The following LRMDA variants were observed in gnomAD, a reference collection of about 807,000 sequenced individuals.
The protein encoded by LRMDA is leucine rich melanocyte differentiation associated.
In LRMDA, 18 loss-of-function variants were observed where a neutral mutation model predicts 29.8. The observed-to-expected ratio is 0.60, with a 90% CI of 0.42 to 0.90. The LOEUF (loss-of-function observed/expected upper bound fraction) is 0.90, where lower values mean the gene tolerates loss of function less well. Ranked by LOEUF, LRMDA falls within the 40% of genes least tolerant of loss-of-function variation. LRMDA has a pLI of 0.00. For synonymous variants in LRMDA, 125 were observed against 109.4 expected (o/e 1.14, Z -0.89); for missense variants, 273 against 273.9 (o/e 1.00, Z 0.02).
chr10:75,613,850 C>T (rs975971965), intron 2 of LRMDA, among the ~76,000 whole-genome samples: 1 of 152,082 alleles, frequency 6.6e-6, no homozygotes, highest in African/African-American at 2.4e-5. Context: ...AAATGGTTAC[C>T]CTTTGGTGCT....
chr10:76,535,886 T>G (rs1843285789), intron 6 of LRMDA: 1 of 147,792 alleles, frequency 6.8e-6, no homozygotes, highest in Non-Finnish European at 1.5e-5. Context: ...CAAGCGATTC[T>G]CCTGTCTCAG....
chr10:76,538,512 G>T (rs1172199178), intron 6 of LRMDA, among the ~76,000 whole-genome samples: 1 of 144,708 alleles, frequency 6.9e-6, no homozygotes, highest in African/African-American at 2.5e-5. Flanking sequence ...ATATATATAT[G>T]TATATACATA....
At chr10:76,094,995 T>G (rs1016677231) in intron 5 of LRMDA, among the ~76,000 whole-genome samples, 2 of 152,170 alleles carry the variant, frequency 1.3e-5, no homozygotes, top group African/African-American at 4.8e-5. Context: ...TTACTTATAG[T>G]AAAATTTACC....
chr10:76,372,790 A>G (rs887382625), intron 6 of LRMDA, among the ~76,000 whole-genome samples: 1 of 152,112 alleles, frequency 6.6e-6, no homozygotes, highest in African/African-American at 2.4e-5. Flanking sequence ...GGGGTGATAC[A>G]GTACCTCATC....
intron 6 of LRMDA, among the ~76,000 whole-genome samples, chr10:76,427,342 G>C (rs1564538357): frequency 6.6e-6 from 1 of 151,852 alleles, no homozygotes; most frequent in Admixed American, 6.6e-5. Flanking sequence ...TGGATTCCTA[G>C]GTATTTTATT....
chr10:75,959,025 C>T (rs1846714999), intron 2 of LRMDA, among the ~76,000 whole-genome samples: 1 of 152,192 alleles, frequency 6.6e-6, no homozygotes, highest in African/African-American at 2.4e-5. Context: ...TCTCCCACAA[C>T]ACATGGTAAT....
intron 6 of LRMDA, among the ~76,000 whole-genome samples, chr10:76,474,638 T>A (rs1027092330): frequency 1.3e-5 from 2 of 151,692 alleles, no homozygotes; most frequent in African/African-American, 4.8e-5. Flanking sequence ...TCAACATCAT[T>A]AGCCATTAGG....
At chr10:76,295,874 T>C (rs73289075) in intron 5 of LRMDA, among the ~76,000 whole-genome samples, 4,609 of 152,294 alleles carry the variant, frequency 0.03, 212 homozygotes, top group African/African-American at 0.1. Context: ...TTTGCTAATC[T>C]TCACTCATGC....
At chr10:75,434,190 A>G (rs910514519) in intron 1 of LRMDA, among the ~76,000 whole-genome samples, 1 of 152,230 alleles carries the variant, frequency 6.6e-6, no homozygotes, top group Non-Finnish European at 1.5e-5. Flanking sequence ...CTTGCGCCCA[A>G]GAGATATTGG....
At chr10:76,053,646 G>A (rs1267485039) in intron 4 of LRMDA, among the ~76,000 whole-genome samples, 1 of 152,118 alleles carries the variant, frequency 6.6e-6, no homozygotes, top group Non-Finnish European at 1.5e-5. Flanking sequence ...CTTATCACTT[G>A]GCAATAATGT....
chr10:76,168,364 G>A (rs1375150471), intron 5 of LRMDA, among the ~76,000 whole-genome samples: 1 of 152,196 alleles, frequency 6.6e-6, no homozygotes, highest in Non-Finnish European at 1.5e-5. Flanking sequence ...GGGAAGCCAT[G>A]CTCTGTGTTG....
At position 75,460,666 on chromosome 10, in the gene LRMDA, T is replaced by C. The variant is rs560575199; in HGVS notation, c.131+22172T>C. Among the ~76,000 whole-genome samples, 5 of 152,346 alleles carry C rather than the reference T, an allele frequency of 3.3e-5. No homozygotes were observed. The East Asian group carries it at 9.6e-4, about 29-fold the overall frequency. On this transcript the variant is annotated intron_variant, in intron 2 of 6. Transcript: ENST00000611255. Reference sequence around the variant, plus strand: ...CAAAGGAAATAATCCATAATGTTTATGCTGAACAATTTTTACAAAATTGGG... The same window carrying C: ...CAAAGGAAATAATCCATAATGTTTACGCTGAACAATTTTTACAAAATTGGG...
intron 2 of LRMDA, among the ~76,000 whole-genome samples, chr10:75,805,096 G>A (rs1342764765): frequency 6.6e-6 from 1 of 152,182 alleles, no homozygotes; most frequent in Non-Finnish European, 1.5e-5. Flanking sequence ...CGCAGTCAAG[G>A]ACCTTGCCTT....
chr10:76,093,492 T>C (rs1372107456), intron 5 of LRMDA, among the ~76,000 whole-genome samples: 1 of 152,166 alleles, frequency 6.6e-6, no homozygotes, highest in Non-Finnish European at 1.5e-5. Context: ...AGATGAAGTT[T>C]CATTGATCCT....
chr10:76,358,640 G>A (rs1020286697), intron 6 of LRMDA, among the ~76,000 whole-genome samples: 1 of 152,152 alleles, frequency 6.6e-6, no homozygotes, highest in African/African-American at 2.4e-5. Context: ...TCTATCAGAG[G>A]AGCTGAACAA....
intron 2 of LRMDA, among the ~76,000 whole-genome samples, chr10:75,696,925 A>G (rs778233494): frequency 1.3e-5 from 2 of 152,042 alleles, no homozygotes; most frequent in African/African-American, 2.4e-5. Context: ...TTGTCCAGGT[A>G]CTCTATGTCC....
chr10:76,468,550 A>C (rs576383098), intron 6 of LRMDA, among the ~76,000 whole-genome samples: 1 of 152,340 alleles, frequency 6.6e-6, no homozygotes, highest in African/African-American at 2.4e-5. Flanking sequence ...AACAGGAAAG[A>C]TGAATTTACC....
chr10:76,241,687 C>G, intron 5 of LRMDA, among the ~76,000 whole-genome samples: 1 of 152,112 alleles, frequency 6.6e-6, no homozygotes, highest in East Asian at 1.9e-4. Flanking sequence ...CAGAGGAGCC[C>G]TTGGGCTCCA....
intron 2 of LRMDA, among the ~76,000 whole-genome samples, chr10:75,902,646 A>T (rs1190139936): frequency 6.6e-6 from 1 of 152,026 alleles, no homozygotes; most frequent in Admixed American, 6.6e-5. Context: ...CCCTTCAGGG[A>T]TCTCACGGGC....
Sources: gnomAD v4.1 joint callset for allele counts (sites outside exome capture counted in the v4.1 genomes callset) on GRCh38, gnomAD v4.1.1 for gene constraint, MANE v1.5 for transcripts, NCBI Gene and HGNC (gene_info 2026-07-23, HGNC 2026-07-21) for gene names.